Variants in EBF2 observed in about 807,000 individuals in gnomAD.
EBF2 encodes transcription factor COE2.
Under a neutral mutation model 72.8 loss-of-function variants are expected in EBF2, and 21 were observed. The ratio of observed to expected loss-of-function variants is 0.29; its 90% CI spans 0.20 to 0.42. EBF2 has a LOEUF of 0.42. EBF2 is among the 10% of genes least tolerant of loss of function. EBF2 has a pLI of 1.00. For synonymous variants in EBF2, 299 were observed against 274.2 expected, an observed-to-expected ratio of 1.09 and a Z score of -0.89; for missense variants, 637 against 731.2, an observed-to-expected ratio of 0.87 and a Z score of 1.49.
chr8:26,035,995 C>T (rs1186066685), intron 5 of EBF2, among the ~76,000 whole-genome samples: 2 of 151,868 alleles, frequency 1.3e-5, no homozygotes, highest in East Asian at 1.9e-4. Flanking sequence ...TTTCAAAAGA[C>T]CCATACATGC....
intron 6 of EBF2, among the ~76,000 whole-genome samples, chr8:25,968,494 C>A (rs1368862743): frequency 6.6e-6 from 1 of 152,124 alleles, no homozygotes; most frequent in Non-Finnish European, 1.5e-5. Flanking sequence ...TTCATAGACA[C>A]AGAAAGCAGA....
chr8:25,937,393 T>A (rs1390242960), intron 6 of EBF2, among the ~76,000 whole-genome samples: 2 of 152,186 alleles, frequency 1.3e-5, no homozygotes, highest in African/African-American at 4.8e-5. Flanking sequence ...CTGTAGTGAC[T>A]TTCTATCTCC....
intron 6 of EBF2, among the ~76,000 whole-genome samples, chr8:25,926,542 A>C (rs1158234947): frequency 2.6e-5 from 4 of 152,164 alleles, no homozygotes; most frequent in Non-Finnish European, 5.9e-5. Context: ...GTCTGTATGC[A>C]TCACCTTCTC....
At chr8:25,906,385 G>A (rs1409070110) in intron 7 of EBF2, among the ~76,000 whole-genome samples, 1 of 152,052 alleles carries the variant, frequency 6.6e-6, no homozygotes, top group Non-Finnish European at 1.5e-5. Context: ...ATTTTTATTT[G>A]GAATATTGAG....
intron 6 of EBF2, among the ~76,000 whole-genome samples, chr8:25,932,775 A>T (rs1216317624): frequency 6.6e-6 from 1 of 152,188 alleles, no homozygotes; most frequent in East Asian, 1.9e-4. Context: ...AAATGAGAGT[A>T]CTGATTAGTA....
chr8:25,933,616 C>T (rs1803519201), intron 6 of EBF2, among the ~76,000 whole-genome samples: 1 of 152,158 alleles, frequency 6.6e-6, no homozygotes, highest in African/African-American at 2.4e-5. Flanking sequence ...ATACCCAAAG[C>T]TTTATCTACA....
chr8:25,947,523 C>G (rs997106420), intron 6 of EBF2, among the ~76,000 whole-genome samples: 1 of 152,200 alleles, frequency 6.6e-6, no homozygotes, highest in African/African-American at 2.4e-5. Flanking sequence ...TACAGACTTT[C>G]AGTTCTTGAC....
chr8:25,898,728 G>C (rs1802897482), intron 7 of EBF2, among the ~76,000 whole-genome samples: 1 of 152,152 alleles, frequency 6.6e-6, no homozygotes, highest in Non-Finnish European at 1.5e-5. Context: ...GGGCATTCTT[G>C]TCTAGGAAGC....
At chr8:26,010,844 C>A (rs1049127519) in intron 6 of EBF2, among the ~76,000 whole-genome samples, 1 of 152,136 alleles carries the variant, frequency 6.6e-6, no homozygotes, top group East Asian at 1.9e-4. Flanking sequence ...CATCACCGAG[C>A]GTTCCATGAA....
chr8:25,874,853 C>CTTT (rs1183233269), intron 10 of EBF2, among the ~76,000 whole-genome samples: 1,188 of 99,450 alleles, frequency 0.012, 14 homozygotes, highest in Admixed American at 0.016. Context: ...GCCTGGCTAA[C>CTTT]TTTTTTTTTT....
Position 25,864,423 on chromosome 8 carries a change from T to C in EBF2, c.1010-1626A>G, listed in dbSNP as rs1038129664. Among the ~76,000 whole-genome samples the C allele has an allele frequency of 2.6e-5, 4 of 152,240 alleles. No individual in the cohort carries two copies. The South Asian group carries it at 6.2e-4, about 24-fold the overall frequency. ...TTAATACTGTGGTATCATGTTGCAA[T>C]ATCACATCCCAATTTGACCTTAAGT... is the stretch of plus-strand genomic sequence containing the variant. On this transcript the variant is annotated intron_variant, in intron 10 of 15. Transcript: ENST00000520164.
intron 6 of EBF2, among the ~76,000 whole-genome samples, chr8:26,008,858 AAC>A (rs1474397131): frequency 1.5e-4 from 22 of 142,746 alleles, no homozygotes; most frequent in Middle Eastern, 3.7e-3. Context: ...AAAAAAAAAA[AAC>A]ACGAAAGTAA....
intron 9 of EBF2, 94 bp from the exon 10 acceptor site, chr8:25,886,975 G>T (rs1802700638): frequency 7.1e-7 from 1 of 1,410,536 alleles, no homozygotes; most frequent in Admixed American, 2.3e-5. Flanking sequence ...TTGCTCCCCA[G>T]GGGCTTCTTT....
intron 6 of EBF2, chr8:26,031,626 G>C (rs1358655471): frequency 3.9e-5 from 6 of 151,920 alleles, no homozygotes; most frequent in African/African-American, 1.4e-4. Context: ...AGTAAAGTCT[G>C]GGGTCCACTA....
intron 6 of EBF2, among the ~76,000 whole-genome samples, chr8:25,915,563 A>G (rs1803199604): frequency 2.0e-5 from 3 of 151,746 alleles, no homozygotes; most frequent in African/African-American, 7.3e-5. Flanking sequence ...CAAGAACCCA[A>G]ATTGTCCAAA....
intron 7 of EBF2, 95 bp downstream of exon 7, chr8:25,908,379 T>C (rs963487831): frequency 5.5e-6 from 5 of 912,722 alleles, no homozygotes; most frequent in South Asian, 3.3e-5. Context: ...TAGCAGTGAA[T>C]AGTAATTTTT....
chr8:25,988,496 G>A (rs889947248), intron 6 of EBF2, among the ~76,000 whole-genome samples: 1 of 152,102 alleles, frequency 6.6e-6, no homozygotes. Flanking sequence ...TTATGCACTG[G>A]GGATGAGAAA....
intron 10 of EBF2, among the ~76,000 whole-genome samples, chr8:25,870,657 A>C (rs1052362378): frequency 6.6e-6 from 1 of 152,110 alleles, no homozygotes; most frequent in East Asian, 1.9e-4. Flanking sequence ...CCAGATTGCA[A>C]ACCACTAGGA....
chr8:25,861,222 A>T lies in EBF2; in HGVS notation c.1169T>A (p.Ile390Asn). The change falls in exon 13 of 16, where the codon ATC becomes AAC. Residue 390 changes from isoleucine (I) to asparagine (N), a missense_variant. By Grantham distance (149) the Ile-to-Asn change is moderately radical (BLOSUM62 -3). Coordinates refer to ENST00000520164, the MANE Select transcript of EBF2 (RefSeq NM_022659.4). ...AATGTCTGCGGCTCGCTTCAAAATG[A>T]TGTCCTACAAAACAACAGGTTAATG... ...LYGTPHNNQD[I>N]ILKRAADIAE... 1 of 1,613,018 alleles carries T rather than the reference A, an allele frequency of 6.2e-7. No homozygotes were observed. The highest frequency in any genetic ancestry group is 8.5e-7 in the Non-Finnish European group (1 of 1,179,312).
Sources: allele counts gnomAD v4.1 joint callset (sites outside exome capture counted in the v4.1 genomes callset), GRCh38; gene constraint gnomAD v4.1.1; transcripts MANE v1.5; gene names NCBI Gene and HGNC (gene_info 2026-07-23, HGNC 2026-07-21).